The following EIF4G3 variants were observed in gnomAD, a reference collection of about 807,000 sequenced individuals.
EIF4G3 encodes the protein eukaryotic translation initiation factor 4 gamma 3, also known as eIF-4-gamma 3.
EIF4G3 carries 34 observed loss-of-function variants against 186.4 expected under a neutral mutation model. That is an observed-to-expected ratio of 0.18 (90% CI 0.14 to 0.24). EIF4G3 has a LOEUF of 0.24. Ranked by LOEUF, EIF4G3 falls within the 10% of genes least tolerant of loss-of-function variation. The pLI is 1.00. For synonymous variants in EIF4G3, 673 were observed against 679.5 expected (o/e 0.99, Z 0.15); for missense variants, 1,536 against 1,948.5 (o/e 0.79, Z 3.99).
At chr1:21,081,080 T>C (rs1318628918) in intron 3 of EIF4G3, among the ~76,000 whole-genome samples, 1 of 152,238 alleles carries the variant, frequency 6.6e-6, no homozygotes, top group Non-Finnish European at 1.5e-5. Context: ...TATGTTTCTT[T>C]AGTTTTGACA....
intron 24 of EIF4G3, 136 bp downstream of exon 24, chr1:20,860,249 A>T: frequency 8.4e-7 from 1 of 1,191,682 alleles, no homozygotes; most frequent in Non-Finnish European, 1.2e-6. Context: ...TTCAGGTGAA[A>T]CTGCTTCACC....
chr1:20,817,625 C>A (rs2061388590), intron 33 of EIF4G3, 87 bp from the exon 34 acceptor site: 1 of 757,956 alleles, frequency 1.3e-6, no homozygotes, highest in Non-Finnish European at 1.8e-6. Flanking sequence ...TCATAGGTTA[C>A]GTCTTCTATT....
At chr1:20,900,067 T>C in intron 15 of EIF4G3, 124 bp from the exon 16 acceptor site, 2 of 1,010,576 alleles carry the variant, frequency 2.0e-6, no homozygotes, top group Middle Eastern at 3.1e-4. Context: ...AATGTCTGTG[T>C]TCAGCATGTG....
chr1:20,848,084 A>G, intron 29 of EIF4G3: 1 of 320,938 alleles, frequency 3.1e-6, no homozygotes, highest in Non-Finnish European at 6.0e-6. Flanking sequence ...CTCCCATCTC[A>G]GCCTCCTGAG....
rs1284834880 is a variant in EIF4G3, at chr1:20,942,040, G to A, written c.1114C>T (p.Leu372Phe). Residue 372 changes from leucine (L) to phenylalanine (F), a missense_variant, in exon 14 of 37, where the codon CTC (leucine) becomes TTC (phenylalanine). Transcript: ENST00000602326. ...TCTGATGTTTCTGTGCAAGATGTGA[G>A]GCTGGGTATAGGAATTGTGTCTTCT... ...PREDTIPIPSLTSCTETSDPL... is the reference protein window; with the variant it reads ...PREDTIPIPSFTSCTETSDPL... 1 of 1,614,072 alleles carries A rather than the reference G, an allele frequency of 6.2e-7. No homozygotes were observed. The highest frequency in any genetic ancestry group is 1.3e-5 in the African/African-American group (1 of 74,932).
chr1:20,989,899 G>T lies in EIF4G3; in HGVS notation c.178-7491C>A, dbSNP rs565046752. On this transcript the variant is annotated intron_variant, in intron 7 of 36. Transcript: ENST00000602326. ...TCATGAAATAAAGAGTCCACTGGCC[G>T]GGTGCAGTAGCTCACGCCTGTAATC... 2.6e-5 allele frequency among the ~76,000 whole-genome samples: 4 copies of T among 152,244 alleles called. No individual in the cohort carries two copies. In the East Asian group the frequency reaches 5.8e-4, roughly 22 times the overall value.
chr1:20,928,199 C>T (rs1481422869), intron 14 of EIF4G3, among the ~76,000 whole-genome samples: 2 of 151,994 alleles, frequency 1.3e-5, no homozygotes. Flanking sequence ...TATGTATACA[C>T]TATATAAGTA....
chr1:20,845,998 C>T (rs752528662), intron 29 of EIF4G3, among the ~76,000 whole-genome samples: 43 of 152,120 alleles, frequency 2.8e-4, no homozygotes, highest in Non-Finnish European at 4.7e-4. Context: ...GTTTGTAGTT[C>T]TCCTTGTAGT....
chr1:20,984,080 A>T (rs1284866004), intron 7 of EIF4G3, among the ~76,000 whole-genome samples: 1 of 152,198 alleles, frequency 6.6e-6, no homozygotes, highest in Non-Finnish European at 1.5e-5. Flanking sequence ...AAGTAAAAAC[A>T]GTGTTTCTAA....
chr1:20,833,700 C>A (rs2065938902), intron 30 of EIF4G3, among the ~76,000 whole-genome samples: 5 of 152,080 alleles, frequency 3.3e-5, no homozygotes, highest in Admixed American at 3.3e-4. Context: ...AAGACAAAAA[C>A]CACATGATTA....
intron 4 of EIF4G3, among the ~76,000 whole-genome samples, chr1:21,044,648 T>G (rs10916924): frequency 1.6e-3 from 209 of 130,980 alleles, no homozygotes; most frequent in African/African-American, 3.5e-3. Flanking sequence ...TTTTTTTTTT[T>G]GTTTTTTTTT....
intron 4 of EIF4G3, among the ~76,000 whole-genome samples, chr1:21,031,194 CACA>C (rs545461731): frequency 4.0e-4 from 60 of 149,578 alleles, no homozygotes; most frequent in African/African-American, 1.3e-3. Context: ...AAAAAAAAAA[CACA>C]ACAACAACAA....
chr1:21,067,932 TAAAC>T (rs1209196571), intron 3 of EIF4G3, among the ~76,000 whole-genome samples: 3 of 151,338 alleles, frequency 2.0e-5, no homozygotes, highest in African/African-American at 7.3e-5. Context: ...AATAAATAAA[TAAAC>T]AAAAAATAAA....
intron 2 of EIF4G3, among the ~76,000 whole-genome samples, chr1:21,106,240 G>C (rs2096615891): frequency 1.3e-5 from 2 of 152,020 alleles, no homozygotes; most frequent in African/African-American, 4.8e-5. Context: ...ATCCATAATA[G>C]CACTGTTAAA....
At chr1:21,166,881 A>C (rs545412971) in intron 2 of EIF4G3, among the ~76,000 whole-genome samples, 20 of 152,194 alleles carry the variant, frequency 1.3e-4, no homozygotes, top group African/African-American at 4.8e-4. Flanking sequence ...TCCTAGGCTC[A>C]AGCAATCCTC....
intron 12 of EIF4G3, 52 bp downstream of exon 12, chr1:20,969,422 G>A: frequency 6.2e-7 from 1 of 1,607,244 alleles, no homozygotes; most frequent in Non-Finnish European, 8.5e-7. Flanking sequence ...GAAGAGTTCA[G>A]TAGAGGTTAG....
chr1:20,816,497 G>T (rs1469332728), intron 34 of EIF4G3, among the ~76,000 whole-genome samples: 10 of 89,536 alleles, frequency 1.1e-4, no homozygotes, highest in South Asian at 5.2e-4. Flanking sequence ...GGAGGTGGGG[G>T]GGTCAGCCCC....
intron 29 of EIF4G3, chr1:20,847,975 TTTTG>T (rs1322481934): frequency 1.0e-5 from 4 of 382,674 alleles, no homozygotes; most frequent in African/African-American, 8.5e-5. Context: ...TTTTCTTTTT[TTTTG>T]TTTGTTTGAG....
intron 4 of EIF4G3, among the ~76,000 whole-genome samples, chr1:21,042,499 C>T (rs1016258234): frequency 1.2e-4 from 18 of 152,108 alleles, no homozygotes; most frequent in African/African-American, 4.3e-4. Context: ...ATAAAGATAG[C>T]TAGCCTTTGT....
Sources: allele counts gnomAD v4.1 joint callset (sites outside exome capture counted in the v4.1 genomes callset), GRCh38; gene constraint gnomAD v4.1.1; transcripts MANE v1.5; gene names NCBI Gene and HGNC (gene_info 2026-07-23, HGNC 2026-07-21).